Variants in AGBL4 observed in about 807,000 individuals in gnomAD.
AGBL4 encodes cytosolic carboxypeptidase 6.
Under a neutral mutation model 66.4 loss-of-function variants are expected in AGBL4, and 58 were observed. The observed-to-expected ratio is 0.87, with a 90% CI of 0.71 to 1.09. The LOEUF is 1.09. AGBL4 is among the 50% of genes least tolerant of loss of function. The probability of loss-of-function intolerance (pLI) is 0.00; values close to 1 mark genes in which losing one functional copy is unlikely to be tolerated. For missense variants in AGBL4, 579 were observed against 631.0 expected (o/e 0.92, Z 0.88); for synonymous variants, 234 against 222.9 (o/e 1.05, Z -0.44).
intron 3 of AGBL4, among the ~76,000 whole-genome samples, chr1:49,503,294 A>G (rs1015774078): frequency 6.6e-6 from 1 of 152,164 alleles, no homozygotes; most frequent in African/African-American, 2.4e-5. Context: ...CCTAGATTTC[A>G]GAGGATGTAT....
At chr1:49,425,655 A>G (rs374430779) in intron 3 of AGBL4, among the ~76,000 whole-genome samples, 5 of 152,228 alleles carry the variant, frequency 3.3e-5, no homozygotes, top group African/African-American at 1.2e-4. Context: ...CTGCTCATAC[A>G]TATTAATTAC....
chr1:49,813,218 A>G (rs191835810), intron 2 of AGBL4, among the ~76,000 whole-genome samples: 1 of 152,300 alleles, frequency 6.6e-6, no homozygotes, highest in Non-Finnish European at 1.5e-5. Flanking sequence ...ACTCAGTGAA[A>G]GACTCCTCAC....
intron 2 of AGBL4, among the ~76,000 whole-genome samples, chr1:49,830,997 T>A (rs899676235): frequency 1.3e-5 from 2 of 152,188 alleles, no homozygotes; most frequent in South Asian, 2.1e-4. Context: ...GCCATGCTGT[T>A]TCGGTTATTG....
At chr1:49,222,246 G>A (rs902040138) in intron 4 of AGBL4, among the ~76,000 whole-genome samples, 3 of 151,008 alleles carry the variant, frequency 2.0e-5, no homozygotes, top group African/African-American at 4.9e-5. Flanking sequence ...TTAAAGAAAT[G>A]TAAACCATAA....
intron 5 of AGBL4, among the ~76,000 whole-genome samples, chr1:48,991,583 A>C (rs577450560): frequency 5.3e-5 from 8 of 151,960 alleles, no homozygotes; most frequent in African/African-American, 1.4e-4. Flanking sequence ...CTATTTTTCT[A>C]CCTCCTCTTG....
chr1:48,795,793 T>C (rs540351126), intron 6 of AGBL4, among the ~76,000 whole-genome samples: 1 of 152,252 alleles, frequency 6.6e-6, no homozygotes, highest in South Asian at 2.1e-4. Flanking sequence ...GCTGGGATTA[T>C]AGGCATCTGC....
chr1:48,838,798 G>A (rs1026128248), intron 6 of AGBL4, among the ~76,000 whole-genome samples: 4 of 152,054 alleles, frequency 2.6e-5, no homozygotes, highest in Admixed American at 2.6e-4. Context: ...ATTTACAAAG[G>A]ATTAATAACC....
intron 5 of AGBL4, among the ~76,000 whole-genome samples, chr1:48,971,945 T>A (rs1343425): frequency 0.59 from 89,219 of 151,920 alleles, 26,478 homozygotes; most frequent in Non-Finnish European, 0.63. Flanking sequence ...CAGGGATAGC[T>A]CTCTTCTCTG....
intron 3 of AGBL4, among the ~76,000 whole-genome samples, chr1:49,431,707 G>A (rs749046945): frequency 5.9e-5 from 9 of 151,922 alleles, no homozygotes; most frequent in Non-Finnish European, 1.0e-4. Flanking sequence ...TAAACATTCC[G>A]TGGAGAAATG....
intron 3 of AGBL4, among the ~76,000 whole-genome samples, chr1:49,501,803 G>C (rs1051399071): frequency 6.6e-6 from 1 of 151,722 alleles, no homozygotes; most frequent in East Asian, 1.9e-4. Context: ...TTGATATGTT[G>C]AGTTTTCATT....
At chr1:49,444,300 G>A (rs762855298) in intron 3 of AGBL4, among the ~76,000 whole-genome samples, 1 of 151,998 alleles carries the variant, frequency 6.6e-6, no homozygotes, top group South Asian at 2.1e-4. Context: ...TTAATCCAAT[G>A]TGTTTTTTTG....
intron 3 of AGBL4, among the ~76,000 whole-genome samples, chr1:49,304,761 T>G (rs1375969845): frequency 6.6e-6 from 1 of 152,192 alleles, no homozygotes; most frequent in East Asian, 1.9e-4. Context: ...TTACAAGAAT[T>G]GCTTTTCAAC....
At chr1:49,141,881 G>A (rs769248214) in intron 4 of AGBL4, among the ~76,000 whole-genome samples, 10 of 152,114 alleles carry the variant, frequency 6.6e-5, no homozygotes, top group Middle Eastern at 3.2e-3. Context: ...TTTTCTGCTG[G>A]CTTTATAAAG....
chr1:49,705,747 T>C (rs537366449), intron 2 of AGBL4, among the ~76,000 whole-genome samples: 1 of 152,276 alleles, frequency 6.6e-6, no homozygotes, highest in East Asian at 1.9e-4. Context: ...GTTTTTTTTT[T>C]ACCATGAAAG....
At chr1:49,018,751 T>C (rs1272251615) in intron 5 of AGBL4, among the ~76,000 whole-genome samples, 3 of 152,186 alleles carry the variant, frequency 2.0e-5, no homozygotes, top group Admixed American at 2.0e-4. Flanking sequence ...AACATTCAAC[T>C]AATCACAGAT....
intron 5 of AGBL4, among the ~76,000 whole-genome samples, chr1:48,934,438 A>G (rs1655288294): frequency 6.6e-6 from 1 of 152,182 alleles, no homozygotes; most frequent in Non-Finnish European, 1.5e-5. Flanking sequence ...TTGGGAGGAT[A>G]TATTACATGT....
intron 2 of AGBL4, among the ~76,000 whole-genome samples, chr1:49,788,448 T>C (rs1239585346): frequency 2.0e-5 from 3 of 151,490 alleles, no homozygotes; most frequent in African/African-American, 7.3e-5. Flanking sequence ...TCAATACAGA[T>C]GGACACCGAG....
chr1:49,410,732 G>C (rs966491402), intron 3 of AGBL4, among the ~76,000 whole-genome samples: 1 of 152,124 alleles, frequency 6.6e-6, no homozygotes, highest in Admixed American at 6.5e-5. Context: ...GGATCCATTT[G>C]TCTATGTATA....
rs187636022 is a variant in AGBL4, at chr1:49,592,435, T to G, written c.282+104878A>C. Reference sequence around the variant, plus strand: ...AAAATACAAAATTAGCTGGGTGTGGTGGCAGGCACCTGTAATCCTAGCTAC... The same window carrying G: ...AAAATACAAAATTAGCTGGGTGTGGGGGCAGGCACCTGTAATCCTAGCTAC... On this transcript the variant is annotated intron_variant, in intron 3 of 13. Transcript: ENST00000371839. 1.2e-4 allele frequency among the ~76,000 whole-genome samples: 19 copies of G among 152,258 alleles called. 1 individual carries two copies. The highest frequency in any genetic ancestry group is 4.1e-4 in the South Asian group (2 of 4,828).
Sources: gnomAD v4.1 joint callset for allele counts (sites outside exome capture counted in the v4.1 genomes callset) on GRCh38, gnomAD v4.1.1 for gene constraint, MANE v1.5 for transcripts, NCBI Gene and HGNC (gene_info 2026-07-23, HGNC 2026-07-21) for gene names.